Variants in ANKRD55 observed in about 807,000 individuals in gnomAD.
ANKRD55 encodes ankyrin repeat domain-containing protein 55.
In ANKRD55, 41 loss-of-function variants were observed where a neutral mutation model predicts 60.6. The ratio of observed to expected loss-of-function variants is 0.68; its 90% CI spans 0.53 to 0.88. The LOEUF (loss-of-function observed/expected upper bound fraction) is 0.88. ANKRD55 is among the 40% of genes least tolerant of loss of function. ANKRD55 has a pLI of 0.00. For missense variants in ANKRD55, 732 were observed against 767.6 expected, an observed-to-expected ratio of 0.95 and a Z score of 0.55; for synonymous variants, 264 against 290.3, an observed-to-expected ratio of 0.91 and a Z score of 0.92.
At chr5:56,122,596 T>C (rs1757100675) in intron 8 of ANKRD55, among the ~76,000 whole-genome samples, 1 of 149,756 alleles carries the variant, frequency 6.7e-6, no homozygotes, top group Non-Finnish European at 1.5e-5. Flanking sequence ...GAGGTGGAGG[T>C]TGCAGTGAGC....
intron 8 of ANKRD55, among the ~76,000 whole-genome samples, chr5:56,124,058 G>A (rs1259991150): frequency 6.6e-6 from 1 of 152,118 alleles, no homozygotes; most frequent in Non-Finnish European, 1.5e-5. Flanking sequence ...CAGTGACTGA[G>A]GAATGATTAA....
At chr5:56,191,722 G>A (rs1207249095) in intron 2 of ANKRD55, among the ~76,000 whole-genome samples, 1 of 152,222 alleles carries the variant, frequency 6.6e-6, no homozygotes, top group African/African-American at 2.4e-5. Context: ...GAAGCACAGT[G>A]TAGGGGGAAA....
At chr5:56,146,354 G>A (rs986501389) in intron 6 of ANKRD55, among the ~76,000 whole-genome samples, 2 of 150,852 alleles carry the variant, frequency 1.3e-5, no homozygotes, top group African/African-American at 4.9e-5. Flanking sequence ...GCGCAATTTC[G>A]GCTCACTGCA....
intron 2 of ANKRD55, among the ~76,000 whole-genome samples, chr5:56,191,461 T>C (rs1759090501): frequency 6.6e-6 from 1 of 152,244 alleles, no homozygotes; most frequent in South Asian, 2.1e-4. Flanking sequence ...TTTCTCATAC[T>C]ATTGTAAATA....
chr5:56,135,299 CTTTCTTTCTTTCT>C (rs1757550351), intron 7 of ANKRD55, among the ~76,000 whole-genome samples: 1 of 4,720 alleles, frequency 2.1e-4, no homozygotes, highest in East Asian at 1.5e-3. Flanking sequence ...TGCTTGCTTT[CTTTCTTTCTTTCT>C]TTCTTTCTTT....
intron 6 of ANKRD55, among the ~76,000 whole-genome samples, chr5:56,154,281 C>T (rs1176906107): frequency 6.7e-6 from 1 of 149,716 alleles, no homozygotes; most frequent in Non-Finnish European, 1.5e-5. Context: ...AACTGTTACT[C>T]CCCGCTACCC....
chr5:56,159,211 C>T (rs760137700), intron 6 of ANKRD55, among the ~76,000 whole-genome samples: 2 of 152,176 alleles, frequency 1.3e-5, no homozygotes, highest in African/African-American at 2.4e-5. Context: ...CCTGTAATCC[C>T]AGCACTTTGG....
At chr5:56,171,551 A>G (rs1018014814) in intron 4 of ANKRD55, among the ~76,000 whole-genome samples, 1 of 152,152 alleles carries the variant, frequency 6.6e-6, no homozygotes, top group Non-Finnish European at 1.5e-5. Context: ...TGCTACTTTA[A>G]CTGACCCATA....
intron 5 of ANKRD55, among the ~76,000 whole-genome samples, chr5:56,163,100 G>A (rs1758372540): frequency 6.6e-6 from 1 of 152,154 alleles, no homozygotes; most frequent in African/African-American, 2.4e-5. Context: ...TGACTGTGAA[G>A]TCTCTGAGAT....
chr5:56,135,368 C>T (rs796635831), intron 7 of ANKRD55, among the ~76,000 whole-genome samples: 141 of 48,896 alleles, frequency 2.9e-3, no homozygotes, highest in Middle Eastern at 0.02. Flanking sequence ...TCTTTCTTTC[C>T]TTCTTTCTTT....
chr5:56,141,905 C>T (rs1332486610), intron 7 of ANKRD55, among the ~76,000 whole-genome samples: 2 of 152,160 alleles, frequency 1.3e-5, no homozygotes, highest in Non-Finnish European at 2.9e-5. Context: ...TCAAAGATAC[C>T]TTTATCAGTT....
chr5:56,165,393 T>C (rs920390974), intron 5 of ANKRD55, among the ~76,000 whole-genome samples: 1 of 152,138 alleles, frequency 6.6e-6, no homozygotes, highest in African/African-American at 2.4e-5. Context: ...TGAGCACCAG[T>C]GGGGTGGCAG....
intron 7 of ANKRD55, among the ~76,000 whole-genome samples, chr5:56,138,812 G>C (rs1757678055): frequency 6.6e-6 from 1 of 152,218 alleles, no homozygotes; most frequent in Non-Finnish European, 1.5e-5. Flanking sequence ...AAGATCAGTG[G>C]TTGCTAGGGA....
At chr5:56,136,285 A>G (rs1260591844) in intron 7 of ANKRD55, among the ~76,000 whole-genome samples, 1 of 152,220 alleles carries the variant, frequency 6.6e-6, no homozygotes, top group Non-Finnish European at 1.5e-5. Context: ...ATGGAGAGGC[A>G]AAAGACACAG....
At chr5:56,158,417 T>C (rs1758248239) in intron 6 of ANKRD55, among the ~76,000 whole-genome samples, 1 of 152,200 alleles carries the variant, frequency 6.6e-6, no homozygotes, top group Non-Finnish European at 1.5e-5. Flanking sequence ...TTTAAGAACC[T>C]TGTTAAGGAA....
intron 4 of ANKRD55, among the ~76,000 whole-genome samples, chr5:56,173,307 C>T (rs1758649497): frequency 6.6e-6 from 1 of 152,076 alleles, no homozygotes; most frequent in South Asian, 2.1e-4. Flanking sequence ...AAGTGATTCT[C>T]CTGCCTCAGC....
At chr5:56,145,002 T>C (rs768290301) in intron 6 of ANKRD55, among the ~76,000 whole-genome samples, 1 of 152,210 alleles carries the variant, frequency 6.6e-6, no homozygotes, top group Non-Finnish European at 1.5e-5. Flanking sequence ...GCTGATAGCA[T>C]AAAGCTAGGA....
At chr5:56,142,702 G>T (rs1414184653) in intron 7 of ANKRD55, among the ~76,000 whole-genome samples, 4 of 152,220 alleles carry the variant, frequency 2.6e-5, no homozygotes, top group Non-Finnish European at 5.9e-5. Context: ...CACCGCTACA[G>T]TGGTGACCCC....
chr5:56,110,163 G>A (rs990631559), intron 10 of ANKRD55, among the ~76,000 whole-genome samples: 5 of 151,304 alleles, frequency 3.3e-5, no homozygotes, highest in South Asian at 2.1e-4. Flanking sequence ...TTGAGAGACC[G>A]AGAAGGGAGG....
Sources: gnomAD v4.1 joint callset for allele counts (sites outside exome capture counted in the v4.1 genomes callset) on GRCh38, gnomAD v4.1.1 for gene constraint, MANE v1.5 for transcripts, NCBI Gene and HGNC (gene_info 2026-07-23, HGNC 2026-07-21) for gene names.